ERC1: variants seen among roughly 807,000 people sequenced by gnomAD.
The protein encoded by ERC1 is RAB6 interacting protein 2.
Under a neutral mutation model 132.0 loss-of-function variants are expected in ERC1, and 56 were observed. That is an observed-to-expected ratio of 0.42 (90% CI 0.34 to 0.53). ERC1 has a LOEUF of 0.53. ERC1 is among the 20% of genes least tolerant of loss of function. The probability of loss-of-function intolerance (pLI) is 0.03; values close to 1 mark genes in which losing one functional copy is unlikely to be tolerated. For missense variants in ERC1, 1,202 were observed against 1,349.9 expected, an observed-to-expected ratio of 0.89 and a Z score of 1.72; for synonymous variants, 478 against 476.1, an observed-to-expected ratio of 1.00 and a Z score of -0.05.
intron 12 of ERC1, among the ~76,000 whole-genome samples, chr12:1,214,632 C>T (rs1348350430): frequency 1.3e-5 from 2 of 149,972 alleles, no homozygotes; most frequent in African/African-American, 5.0e-5. Flanking sequence ...TATATATTAA[C>T]ATATAAAACA....
chr12:1,304,908 G>A (rs2080749933), intron 15 of ERC1, among the ~76,000 whole-genome samples: 2 of 144,856 alleles, frequency 1.4e-5, no homozygotes. Context: ...TCCTACCTCA[G>A]CCTCCCGAGT....
chr12:1,400,085 G>A (rs1406468500), intron 16 of ERC1, among the ~76,000 whole-genome samples: 2 of 152,158 alleles, frequency 1.3e-5, no homozygotes, highest in Non-Finnish European at 2.9e-5. Context: ...ATGTGATGTG[G>A]TATCTCATTA....
chr12:1,455,317 TTCTA>T lies in ERC1; in HGVS notation c.3213+10572_3213+10575del, dbSNP rs201179920. Reference sequence around the variant, plus strand: ...TGATCTGTGGAACACTAGGTCTTACTTCTATCTAACTATATTTTAACCCACTAAT... The same window carrying T: ...TGATCTGTGGAACACTAGGTCTTACTTCTAACTATATTTTAACCCACTAAT... On this transcript the variant is annotated intron_variant, in intron 18 of 18. Coordinates refer to ENST00000360905, the MANE Select transcript of ERC1 (RefSeq NM_178040.4). 4.6e-3 allele frequency among the ~76,000 whole-genome samples: 702 copies of T among 152,300 alleles called. 4 individuals carry two copies. The highest frequency in any genetic ancestry group is 0.016 in the African/African-American group (658 of 41,554).
At chr12:1,167,050 T>C (rs1952497821) in intron 8 of ERC1, among the ~76,000 whole-genome samples, 1 of 152,222 alleles carries the variant, frequency 6.6e-6, no homozygotes. Context: ...GCCACATTAA[T>C]GTTCTCAGAG....
intron 15 of ERC1, among the ~76,000 whole-genome samples, chr12:1,293,320 G>A (rs2079606384): frequency 6.7e-6 from 1 of 150,124 alleles, no homozygotes; most frequent in African/African-American, 2.4e-5. Flanking sequence ...AGGCGTGGTG[G>A]CGGGCGCCTG....
At chr12:1,121,343 T>A (rs1947060300) in intron 7 of ERC1, among the ~76,000 whole-genome samples, 1 of 152,232 alleles carries the variant, frequency 6.6e-6, no homozygotes, top group Non-Finnish European at 1.5e-5. Flanking sequence ...CATTTCTGAC[T>A]TCGCTAATTA....
At chr12:1,163,252 A>G (rs1223325870) in intron 8 of ERC1, among the ~76,000 whole-genome samples, 1 of 152,130 alleles carries the variant, frequency 6.6e-6, no homozygotes, top group African/African-American at 2.4e-5. Context: ...TTCTCTTAGA[A>G]AGGGAGGTTA....
At position 1,391,889 on chromosome 12, in the gene ERC1, T is replaced by G. The variant is rs141958999; in HGVS notation, c.2926-16260T>G. Among the ~76,000 whole-genome samples the G allele has an allele frequency of 3.0e-3, 455 of 152,332 alleles. 1 individual carries two copies. The highest frequency in any genetic ancestry group is 0.01 in the African/African-American group (425 of 41,574). ...GCTTCTTCAGCTCTACCTCTGGATA[T>G]ATAAGGCAGAAAGATCCAGGGAGCT... On this transcript the variant is annotated intron_variant, in intron 16 of 18. Coordinates refer to ENST00000360905, the MANE Select transcript of ERC1 (RefSeq NM_178040.4).
chr12:1,387,459 AAT>A (rs1401369665), intron 16 of ERC1, among the ~76,000 whole-genome samples: 30 of 152,220 alleles, frequency 2.0e-4, no homozygotes, highest in Admixed American at 7.9e-4. Flanking sequence ...ATAACCTGTA[AAT>A]GAAACCATAT....
Position 1,236,882 on chromosome 12 carries a change from A to C in ERC1, c.2465A>C (p.Asn822Thr). ...GCGCGACGACGGGAGGACAATCTCA[A>C]CGACAGCTCTCAGCAGCTACAGGTT... ...EEARRREDNL[N>T]DSSQQLQDSL... is the part of the protein sequence containing the mutation. The change falls in exon 13 of 19, where the codon AAC becomes ACC. Residue 822 changes from asparagine to threonine, a missense_variant. Coordinates refer to ENST00000360905, the MANE Select transcript of ERC1 (RefSeq NM_178040.4). The C allele has an allele frequency of 6.2e-7, 1 of 1,614,094 alleles. No individual in the cohort carries two copies. The highest frequency in any genetic ancestry group is 8.5e-7 in the Non-Finnish European group (1 of 1,179,968).
At chr12:1,230,836 T>G (rs1286693354) in intron 12 of ERC1, among the ~76,000 whole-genome samples, 2 of 152,232 alleles carry the variant, frequency 1.3e-5, no homozygotes, top group East Asian at 3.8e-4. Flanking sequence ...TAACCTTGTC[T>G]CTTGTGACTG....
intron 15 of ERC1, among the ~76,000 whole-genome samples, chr12:1,298,672 A>G (rs542301212): frequency 6.6e-6 from 1 of 152,170 alleles, no homozygotes; most frequent in East Asian, 1.9e-4. Flanking sequence ...AATAAAGAAC[A>G]GAAACAACAA....
rs553046905 is a variant in ERC1, at chr12:1,401,088, G to A, written c.2926-7061G>A. Among the ~76,000 whole-genome samples, 978 of 151,070 alleles carry A rather than the reference G, an allele frequency of 6.5e-3. 8 individuals carry two copies. Among genetic ancestry groups the A allele is most frequent in the African/African-American group, 0.023 (927 of 40,934 alleles). ...GTAGCTGGGACTACAGACGCCCACC[G>A]CTGCGCCCGGCTAATTTTTTGTATT... On this transcript the variant is annotated intron_variant, in intron 16 of 18. Coordinates refer to ENST00000360905, the MANE Select transcript of ERC1 (RefSeq NM_178040.4).
intron 7 of ERC1, among the ~76,000 whole-genome samples, chr12:1,126,986 C>CAAAAAAAAAAAAAAAAAAA (rs71055135): frequency 2.5e-4 from 28 of 114,192 alleles, no homozygotes; most frequent in Middle Eastern, 4.6e-3. Flanking sequence ...GATTCTGTCT[C>CAAAAAAAAAAAAAAAAAAA]AAAAAAAAAA....
intron 15 of ERC1, among the ~76,000 whole-genome samples, chr12:1,298,499 C>T (rs532630200): frequency 4.3e-4 from 63 of 147,104 alleles, no homozygotes; most frequent in African/African-American, 1.5e-3. Flanking sequence ...GCCAAGATGG[C>T]GCCACTGCAC....
chr12:1,209,726 G>C (rs1340690654), intron 12 of ERC1, among the ~76,000 whole-genome samples: 6 of 152,150 alleles, frequency 3.9e-5, no homozygotes, highest in Non-Finnish European at 8.8e-5. Context: ...CTTTCGAAAA[G>C]CTCCCAGTTG....
At chr12:1,229,238 C>A (rs1296464936) in intron 12 of ERC1, among the ~76,000 whole-genome samples, 1 of 152,116 alleles carries the variant, frequency 6.6e-6, no homozygotes, top group Non-Finnish European at 1.5e-5. Flanking sequence ...TGTCCAGGTA[C>A]AGTGTGTAAT....
At chr12:1,208,588 A>G (rs760310320) in intron 12 of ERC1, among the ~76,000 whole-genome samples, 6 of 151,936 alleles carry the variant, frequency 3.9e-5, no homozygotes, top group Non-Finnish European at 8.8e-5. Context: ...GATTACTTGT[A>G]TTATTTGGTT....
At chr12:1,418,756 A>T (rs1396760903) in intron 17 of ERC1, among the ~76,000 whole-genome samples, 1 of 141,784 alleles carries the variant, frequency 7.1e-6, no homozygotes, top group African/African-American at 2.7e-5. Flanking sequence ...TCTGTCGCTC[A>T]GACTGGAGTG....
Sources: gnomAD v4.1 joint callset for allele counts (sites outside exome capture counted in the v4.1 genomes callset) on GRCh38, gnomAD v4.1.1 for gene constraint, MANE v1.5 for transcripts, NCBI Gene and HGNC (gene_info 2026-07-23, HGNC 2026-07-21) for gene names.